Variants in CNIH3 observed in about 807,000 individuals in gnomAD.
CNIH3 encodes the protein cornichon family AMPA receptor auxiliary protein 3, also known as protein cornichon homolog 3.
Under a neutral mutation model 24.1 loss-of-function variants are expected in CNIH3, and 14 were observed. That is an observed-to-expected ratio of 0.58 (90% CI 0.38 to 0.91). The LOEUF (loss-of-function observed/expected upper bound fraction) is 0.91, where lower values mean the gene tolerates loss of function less well. Among genes scored for constraint, CNIH3 ranks in the 40% least tolerant of loss-of-function variants. CNIH3 has a pLI of 0.00. For synonymous variants in CNIH3, 68 were observed against 73.8 expected (o/e 0.92, Z 0.40); for missense variants, 178 against 196.8 (o/e 0.90, Z 0.57).
chr1:224,642,522 A>G (rs1684410445), intron 1 of CNIH3, among the ~76,000 whole-genome samples: 1 of 152,108 alleles, frequency 6.6e-6, no homozygotes, highest in Non-Finnish European at 1.5e-5. Flanking sequence ...GAGCCGCTGT[A>G]CCTGGCTGTA....
intron 3 of CNIH3, among the ~76,000 whole-genome samples, chr1:224,719,548 A>G (rs1035375074): frequency 2.0e-5 from 3 of 152,206 alleles, no homozygotes; most frequent in African/African-American, 7.2e-5. Flanking sequence ...TACAGGTAAT[A>G]GTTATTATTT....
intron 2 of CNIH3, among the ~76,000 whole-genome samples, chr1:224,536,684 A>G (rs1006901196): frequency 1.3e-5 from 2 of 152,316 alleles, no homozygotes; most frequent in East Asian, 3.9e-4. Context: ...GATGAAACAA[A>G]ATGGGATAGA....
chr1:224,674,494 ATGGAATCCAG>A (rs1686038297), intron 1 of CNIH3, among the ~76,000 whole-genome samples: 1 of 151,934 alleles, frequency 6.6e-6, no homozygotes, highest in African/African-American at 2.4e-5. Context: ...TTGAGGCTGG[ATGGAATCCAG>A]GCAGTCTAGA....
downstream of CNIH3, among the ~76,000 whole-genome samples, chr1:224,542,037 G>T (rs546563007): frequency 1.3e-5 from 2 of 152,244 alleles, no homozygotes; most frequent in African/African-American, 4.8e-5. Flanking sequence ...TCTGCCGGAT[G>T]TTCAGGGCCT....
intron 1 of CNIH3, among the ~76,000 whole-genome samples, chr1:224,669,327 T>C (rs528980680): frequency 6.6e-6 from 1 of 152,340 alleles, no homozygotes; most frequent in South Asian, 2.1e-4. Context: ...CAAAGTGTCC[T>C]GTGTTTCCCA....
At chr1:224,547,217 A>G (rs1679736033) in intron 3 of CNIH3, among the ~76,000 whole-genome samples, 1 of 152,238 alleles carries the variant, frequency 6.6e-6, no homozygotes, top group South Asian at 2.1e-4. Flanking sequence ...AAATAATGCC[A>G]GAAATTCCTC....
At chr1:224,685,304 A>C (rs1222595255) in intron 3 of CNIH3, among the ~76,000 whole-genome samples, 2 of 152,088 alleles carry the variant, frequency 1.3e-5, no homozygotes, top group African/African-American at 4.8e-5. Flanking sequence ...TAAGTGCTGG[A>C]TGGGTGGGAT....
rs1050949316 is a variant in CNIH3 at position 224,436,918 on chromosome 1, T to G, written n.203+2056T>G. On this transcript the variant is annotated intron_variant and non_coding_transcript_variant, in intron 1 of 5. Coordinates refer to the CNIH3 transcript ENST00000471578. ...GCCAAATGTACTGGCTCATTTCTCCTTGAGAGTCTTTGACTACACTCTCCC... is the reference window on the plus strand; with the variant it reads ...GCCAAATGTACTGGCTCATTTCTCCGTGAGAGTCTTTGACTACACTCTCCC... 8 of 152,378 alleles carry G rather than the reference T, an allele frequency of 5.3e-5. No homozygotes were observed. In the East Asian group the frequency reaches 1.3e-3, roughly 26 times the overall value. 9.4% of individuals were successfully genotyped at this position (152,378 alleles called of 1,614,324 possible).
intron 2 of CNIH3, among the ~76,000 whole-genome samples, chr1:224,682,013 C>T (rs573756357): frequency 2.6e-5 from 4 of 152,198 alleles, no homozygotes; most frequent in African/African-American, 9.6e-5. Context: ...GCTCTGCTAG[C>T]GTGATACCGT....
intron 1 of CNIH3, among the ~76,000 whole-genome samples, chr1:224,467,403 A>G (rs752044467): frequency 2.0e-5 from 3 of 151,846 alleles, no homozygotes; most frequent in African/African-American, 7.3e-5. Flanking sequence ...CCAATTTATC[A>G]AGTTTTCCTG....
At chr1:224,536,437 A>G (rs571979605) in intron 2 of CNIH3, among the ~76,000 whole-genome samples, 11 of 151,884 alleles carry the variant, frequency 7.2e-5, no homozygotes, top group South Asian at 2.1e-4. Flanking sequence ...GATTACAGGC[A>G]TGCGCCACCA....
chr1:224,593,011 C>T (rs530831570), downstream of CNIH3, among the ~76,000 whole-genome samples: 23 of 152,074 alleles, frequency 1.5e-4, no homozygotes, highest in South Asian at 4.1e-4. Flanking sequence ...TTTAGATGAG[C>T]GGGAAATGCA....
intron 3 of CNIH3, among the ~76,000 whole-genome samples, chr1:224,600,613 G>A (rs894160976): frequency 1.3e-5 from 2 of 152,170 alleles, no homozygotes; most frequent in East Asian, 3.8e-4. Context: ...GGCCTCAAGC[G>A]ATCCCCCGAC....
intron 3 of CNIH3, among the ~76,000 whole-genome samples, chr1:224,709,211 C>G (rs1357153517): frequency 6.6e-6 from 1 of 152,216 alleles, no homozygotes; most frequent in Non-Finnish European, 1.5e-5. Flanking sequence ...AACGCTGAAG[C>G]ATCTATCATC....
intron 3 of CNIH3, among the ~76,000 whole-genome samples, chr1:224,594,673 G>C (rs775303687): frequency 1.3e-5 from 2 of 152,124 alleles, no homozygotes; most frequent in Non-Finnish European, 2.9e-5. Flanking sequence ...TTTTGGATTG[G>C]GCAATTTGCA....
chr1:224,713,810 T>C (rs1688285076), intron 3 of CNIH3, among the ~76,000 whole-genome samples: 1 of 152,238 alleles, frequency 6.6e-6, no homozygotes, highest in African/African-American at 2.4e-5. Context: ...TTTTTTAAAA[T>C]TTAAATTTAA....
At chr1:224,592,787 C>T (rs746050009), downstream of CNIH3, among the ~76,000 whole-genome samples, 4 of 152,138 alleles carry the variant, frequency 2.6e-5, no homozygotes, top group Non-Finnish European at 5.9e-5. Flanking sequence ...ACTCAAGCTC[C>T]ACAGGTTCTG....
Position 224,446,510 on chromosome 1 carries a change from T to G in CNIH3, n.203+11648T>G, listed in dbSNP as rs540235094. 9.2e-5 allele frequency among the ~76,000 whole-genome samples: 14 copies of G among 152,264 alleles called. No homozygotes were observed. The South Asian group carries it at 2.9e-3, about 32-fold the overall frequency. On this transcript the variant is annotated intron_variant and non_coding_transcript_variant, in intron 1 of 5. Transcript: ENST00000471578. ...CATCTTTTTCCTAGGTATCGGATGT[T>G]TTTTGATGCTAACGTAAATGGTATG... is the stretch of plus-strand genomic sequence containing the variant.
chr1:224,734,056 G>A (rs925904764), intron 4 of CNIH3, among the ~76,000 whole-genome samples: 9 of 152,226 alleles, frequency 5.9e-5, no homozygotes, highest in Admixed American at 4.6e-4. Flanking sequence ...ACAGATGGCT[G>A]ATGTTCTTTT....
Sources: gnomAD v4.1 joint callset for allele counts (sites outside exome capture counted in the v4.1 genomes callset) on GRCh38, gnomAD v4.1.1 for gene constraint, MANE v1.5 for transcripts, NCBI Gene and HGNC (gene_info 2026-07-23, HGNC 2026-07-21) for gene names.